The following WWC1 variants were observed in gnomAD, a reference collection of about 807,000 sequenced individuals.
The protein encoded by WWC1 is protein KIBRA.
A neutral mutation model predicts 138.4 loss-of-function variants in WWC1; 55 were observed. The ratio of observed to expected loss-of-function variants is 0.40; its 90% CI spans 0.32 to 0.50. The LOEUF (loss-of-function observed/expected upper bound fraction) is 0.50, where lower values mean the gene tolerates loss of function less well. WWC1 is among the 20% of genes least tolerant of loss of function. The pLI is 0.72. For missense variants in WWC1, 1,226 were observed against 1,420.4 expected, an observed-to-expected ratio of 0.86 and a Z score of 2.20; for synonymous variants, 524 against 564.9, an observed-to-expected ratio of 0.93 and a Z score of 1.03.
intron 3 of WWC1, among the ~76,000 whole-genome samples, chr5:168,396,507 G>C (rs1778915757): frequency 6.6e-6 from 1 of 152,208 alleles, no homozygotes; most frequent in Non-Finnish European, 1.5e-5. Context: ...TGTTCCTACA[G>C]TGTGATTAAG....
chr5:168,372,155 C>G (rs1423071645), intron 2 of WWC1, among the ~76,000 whole-genome samples: 1 of 151,328 alleles, frequency 6.6e-6, no homozygotes, highest in African/African-American at 2.4e-5. Context: ...GTATCCCAAT[C>G]CGTTACAAAG....
At chr5:168,356,986 AATC>A (rs1775473730) in intron 1 of WWC1, among the ~76,000 whole-genome samples, 1 of 152,100 alleles carries the variant, frequency 6.6e-6, no homozygotes, top group African/African-American at 2.4e-5. Flanking sequence ...ACAGGGAAAT[AATC>A]ATGATGGTCA....
intron 17 of WWC1, among the ~76,000 whole-genome samples, chr5:168,449,109 G>T (rs1040008559): frequency 2.6e-5 from 4 of 152,086 alleles, no homozygotes; most frequent in Non-Finnish European, 4.4e-5. Flanking sequence ...TTCCCACAGG[G>T]ATATGCCTGT....
At position 168,384,733 on chromosome 5, in the gene WWC1, T is replaced by TTTTTG. The variant is rs1554101623; in HGVS notation, c.230-476_230-475insTTGTT. ...TTATTCTTTTTTTTTTTTTTTTTTT[T>TTTTTG]TTCAGACAGAGTCTCATTATGTCAT... On this transcript the variant is annotated intron_variant, in intron 2 of 22. Coordinates refer to ENST00000265293, the MANE Select transcript of WWC1 (RefSeq NM_015238.3). Among the ~76,000 whole-genome samples the TTTTTG allele has an allele frequency of 6.2e-4, 90 of 144,512 alleles. 1 individual carries two copies. Among genetic ancestry groups the TTTTTG allele is most frequent in the Non-Finnish European group, 8.4e-4 (56 of 66,356 alleles). 94.8% of individuals were successfully genotyped at this position (144,512 alleles called of 152,430 possible).
chr5:168,305,592 C>T (rs1015654493), intron 1 of WWC1, among the ~76,000 whole-genome samples: 2 of 152,154 alleles, frequency 1.3e-5, no homozygotes, highest in Non-Finnish European at 1.5e-5. Flanking sequence ...GGCCCTTCCT[C>T]TTAGCAGCAA....
chr5:168,354,908 G>A (rs1020440231), intron 1 of WWC1, among the ~76,000 whole-genome samples: 1 of 152,142 alleles, frequency 6.6e-6, no homozygotes, highest in African/African-American at 2.4e-5. Context: ...TAGGCTCAGG[G>A]ACTTTGCTTC....
chr5:168,406,260 T>G lies in WWC1; in HGVS notation c.653T>G (p.Leu218Trp). 1 of 1,614,018 alleles carries G rather than the reference T, an allele frequency of 6.2e-7. No individual in the cohort carries two copies. Among genetic ancestry groups the G allele is most frequent in the Admixed American group, 1.7e-5 (1 of 60,012 alleles). Reference protein sequence around the residue: ...SYKLDEAQAVLRETKAIKKAI... With the variant: ...SYKLDEAQAVWRETKAIKKAI... ...AAACTGGATGAAGCTCAGGCTGTCT[T>G]GAGAGAAACAAAAGCCATCAAAAAG... Residue 218 changes from leucine (L) to tryptophan (W), a missense_variant, in exon 6 of 23, where the codon TTG (leucine) becomes TGG (tryptophan). Leu to Trp is a moderately conservative substitution (Grantham distance 61). This residue lies in a region of WWC1 where 1,016 missense variants were observed against 1,153.9 expected (regional missense o/e 0.88). Transcript: ENST00000265293.
At chr5:168,431,530 T>G in intron 15 of WWC1, 86 bp downstream of exon 15, 1 of 1,429,154 alleles carries the variant, frequency 7.0e-7, no homozygotes, top group Non-Finnish European at 9.4e-7. Flanking sequence ...TTATGGGGAT[T>G]GGTCTACCCT....
intron 1 of WWC1, among the ~76,000 whole-genome samples, chr5:168,340,731 AT>A (rs1224428795): frequency 6.6e-6 from 1 of 152,228 alleles, no homozygotes; most frequent in Non-Finnish European, 1.5e-5. Flanking sequence ...TTATCCATTC[AT>A]CAGTTTGTGG....
chr5:168,389,803 G>A (rs997524505), intron 3 of WWC1, among the ~76,000 whole-genome samples: 1 of 151,990 alleles, frequency 6.6e-6, no homozygotes, highest in Non-Finnish European at 1.5e-5. Context: ...ACTCTTCTTT[G>A]TGAGAGCTGT....
intron 3 of WWC1, among the ~76,000 whole-genome samples, chr5:168,395,923 G>T (rs1461448695): frequency 6.6e-6 from 1 of 152,128 alleles, no homozygotes; most frequent in African/African-American, 2.4e-5. Context: ...TAACCAAAAG[G>T]CCTATTAAAA....
In WWC1 at chr5:168,296,901, G is replaced by A. The variant is rs538065003; in HGVS notation, c.119+4630G>A. On this transcript the variant is annotated intron_variant, in intron 1 of 22. Coordinates refer to ENST00000265293, the MANE Select transcript of WWC1 (RefSeq NM_015238.3). Reference sequence around the variant, plus strand: ...TCCAGTGCCTAAGGAATTTGGCCTTGGGAAATGGAGCCAAAACAGGCATGA... The same window carrying A: ...TCCAGTGCCTAAGGAATTTGGCCTTAGGAAATGGAGCCAAAACAGGCATGA... 2.6e-5 allele frequency among the ~76,000 whole-genome samples: 4 copies of A among 152,306 alleles called. No homozygotes were observed. In the East Asian group the frequency reaches 5.8e-4, roughly 22 times the overall value.
chr5:168,377,809 A>G (rs1035571869), intron 2 of WWC1, among the ~76,000 whole-genome samples: 1 of 152,218 alleles, frequency 6.6e-6, no homozygotes, highest in Non-Finnish European at 1.5e-5. Context: ...TGGAGAAAAG[A>G]GAACACTTAT....
chr5:168,381,874 TG>T (rs1777662695), intron 2 of WWC1, among the ~76,000 whole-genome samples: 1 of 148,770 alleles, frequency 6.7e-6, no homozygotes, highest in African/African-American at 2.5e-5. Context: ...ACTGAGAATG[TG>T]GGGGGAGGCA....
chr5:168,407,634 G>C (rs1561719186), intron 6 of WWC1, among the ~76,000 whole-genome samples: 1 of 152,170 alleles, frequency 6.6e-6, no homozygotes, highest in Non-Finnish European at 1.5e-5. Flanking sequence ...AGATCATGGA[G>C]CCTTAAGCCA....
chr5:168,311,872 G>A (rs1405384458), intron 1 of WWC1, among the ~76,000 whole-genome samples: 1 of 147,068 alleles, frequency 6.8e-6, no homozygotes, highest in African/African-American at 2.6e-5. Flanking sequence ...GCAAGACTCA[G>A]TCTAAAAAAA....
At chr5:168,452,887 A>G (rs981237236) in intron 17 of WWC1, among the ~76,000 whole-genome samples, 1 of 152,150 alleles carries the variant, frequency 6.6e-6, no homozygotes, top group African/African-American at 2.4e-5. Context: ...GAACAGATCT[A>G]AACATGTTGC....
At chr5:168,339,737 T>A (rs1273803196) in intron 1 of WWC1, among the ~76,000 whole-genome samples, 1 of 152,188 alleles carries the variant, frequency 6.6e-6, no homozygotes, top group African/African-American at 2.4e-5. Context: ...TAACAAACAC[T>A]TGACAGATAA....
At chr5:168,436,551 T>A (rs1663161593) in intron 15 of WWC1, among the ~76,000 whole-genome samples, 1 of 152,150 alleles carries the variant, frequency 6.6e-6, no homozygotes, top group South Asian at 2.1e-4. Context: ...CACTGCCTGT[T>A]CTGCATCTTC....
Sources: gnomAD v4.1 joint callset for allele counts (sites outside exome capture counted in the v4.1 genomes callset) on GRCh38, gnomAD v4.1.1 for gene constraint, gnomAD v4.1.1 regional missense constraint, MANE v1.5 for transcripts, NCBI Gene and HGNC (gene_info 2026-07-23, HGNC 2026-07-21) for gene names.